ITGBL1: variants seen among roughly 807,000 people sequenced by gnomAD.
ITGBL1 encodes integrin beta-like protein 1.
A neutral mutation model predicts 68.5 loss-of-function variants in ITGBL1; 51 were observed. That is an observed-to-expected ratio of 0.74 (90% CI 0.59 to 0.94). The LOEUF (loss-of-function observed/expected upper bound fraction) is 0.94. ITGBL1 is among the 40% of genes least tolerant of loss of function. The pLI is 0.00. For synonymous variants in ITGBL1, 209 were observed against 227.3 expected (o/e 0.92, Z 0.72); for missense variants, 649 against 647.4 (o/e 1.00, Z -0.03).
intron 2 of ITGBL1, among the ~76,000 whole-genome samples, chr13:101,461,076 T>C (rs904718002): frequency 3.9e-5 from 6 of 152,226 alleles, no homozygotes; most frequent in African/African-American, 1.4e-4. Context: ...TATAGCATTG[T>C]GGTATTTAGA....
chr13:101,706,221 T>C (rs1187664292), intron 8 of ITGBL1, among the ~76,000 whole-genome samples: 1 of 152,218 alleles, frequency 6.6e-6, no homozygotes, highest in Non-Finnish European at 1.5e-5. Context: ...TATGCAATAA[T>C]AGAGAGACAC....
At chr13:101,554,049 C>A (rs534137544) in intron 2 of ITGBL1, among the ~76,000 whole-genome samples, 1 of 152,142 alleles carries the variant, frequency 6.6e-6, no homozygotes, top group Non-Finnish European at 1.5e-5. Flanking sequence ...TCTGGGATTA[C>A]AGGCATGAGC....
At chr13:101,477,541 A>C (rs532634117) in intron 2 of ITGBL1, among the ~76,000 whole-genome samples, 1 of 152,174 alleles carries the variant, frequency 6.6e-6, no homozygotes, top group South Asian at 2.1e-4. Context: ...ACCAAAGGGA[A>C]AGTTGGTGTT....
At chr13:101,528,989 A>G (rs1419343946) in intron 2 of ITGBL1, among the ~76,000 whole-genome samples, 3 of 152,058 alleles carry the variant, frequency 2.0e-5, no homozygotes, top group African/African-American at 7.2e-5. Flanking sequence ...ATGGAATAAC[A>G]TTATAAAACA....
At chr13:101,487,493 T>C (rs184662149) in intron 2 of ITGBL1, among the ~76,000 whole-genome samples, 4 of 152,346 alleles carry the variant, frequency 2.6e-5, no homozygotes, top group African/African-American at 9.6e-5. Context: ...GGCAATTATA[T>C]TTGACAAAAT....
Position 101,454,237 on chromosome 13 carries a change from A to G in ITGBL1, c.316+137A>G, listed in dbSNP as rs1255796976. Reference sequence around the variant, plus strand: ...CCAATTAAGTTACTGCGATTGTCACACTTTGGCTAGTTAATTCTGGCATCA... The same window carrying G: ...CCAATTAAGTTACTGCGATTGTCACGCTTTGGCTAGTTAATTCTGGCATCA... On this transcript the variant is annotated intron_variant, in intron 2 of 10. Coordinates refer to ENST00000376180, the MANE Select transcript of ITGBL1 (RefSeq NM_004791.3). 18 of 488,424 alleles carry G rather than the reference A, an allele frequency of 3.7e-5. No homozygotes were observed. In the Admixed American group the frequency reaches 7.6e-4, roughly 21 times the overall value. The allele number at this position is 488,424 out of a possible 1,614,324, so 30.3% of individuals were successfully genotyped here. A position where few individuals can be genotyped will look rare whatever the true frequency, so the allele number is the denominator to read the frequency against.
chr13:101,655,837 G>C (rs1302467520), intron 7 of ITGBL1, among the ~76,000 whole-genome samples: 2 of 152,156 alleles, frequency 1.3e-5, no homozygotes, highest in Non-Finnish European at 2.9e-5. Flanking sequence ...TAATATTGTT[G>C]ACGAAAAGAG....
At chr13:101,677,194 C>T (rs890165792) in intron 7 of ITGBL1, among the ~76,000 whole-genome samples, 4 of 151,860 alleles carry the variant, frequency 2.6e-5, no homozygotes, top group East Asian at 3.9e-4. Flanking sequence ...AACATATTGT[C>T]GGCAGAGGGG....
intron 1 of ITGBL1, 60 bp from the exon 2 acceptor site, chr13:101,453,823 C>A (rs2139606188): frequency 1.8e-6 from 2 of 1,134,656 alleles, no homozygotes; most frequent in Non-Finnish European, 2.2e-6. Flanking sequence ...AACGTGGGTT[C>A]GGAGCAGGGG....
chr13:101,468,121 C>G (rs1298661219), intron 2 of ITGBL1, among the ~76,000 whole-genome samples: 1 of 152,116 alleles, frequency 6.6e-6, no homozygotes, highest in East Asian at 1.9e-4. Context: ...GTGACTTGGC[C>G]ATTTAAGCAG....
intron 7 of ITGBL1, among the ~76,000 whole-genome samples, chr13:101,605,975 T>TAC (rs2030815187): frequency 2.0e-5 from 3 of 146,422 alleles, no homozygotes; most frequent in Admixed American, 1.4e-4. Flanking sequence ...TATATATGCA[T>TAC]ATATGTGTAT....
chr13:101,620,448 A>G (rs1228971077), intron 7 of ITGBL1, among the ~76,000 whole-genome samples: 1 of 152,132 alleles, frequency 6.6e-6, no homozygotes, highest in Admixed American at 6.5e-5. Flanking sequence ...GTTCATTCTC[A>G]ACTTCTTAAA....
rs1307621285 is a variant in ITGBL1, at chr13:101,715,916, C to A, written c.*262C>A. The A allele has an allele frequency of 2.7e-6, 1 of 374,298 alleles. No homozygotes were observed. Among genetic ancestry groups the A allele is most frequent in the Non-Finnish European group, 5.0e-6 (1 of 201,388 alleles). 23.2% of individuals were successfully genotyped at this position (374,298 alleles called of 1,614,324 possible). A position where few individuals can be genotyped will look rare whatever the true frequency, so the allele number is the denominator to read the frequency against. On this transcript the variant is annotated 3_prime_UTR_variant, in exon 11 of 11. Transcript: ENST00000376180. ...GAGAGCAATTTTTCCACCCAAAAGT[C>A]ATTTGGCAACATCTACAGACAATTT...
At chr13:101,456,528 T>C (rs1319154950) in intron 2 of ITGBL1, among the ~76,000 whole-genome samples, 1 of 152,230 alleles carries the variant, frequency 6.6e-6, no homozygotes, top group Non-Finnish European at 1.5e-5. Context: ...GTAGGTCCTT[T>C]CCAGAAATAG....
chr13:101,582,909 A>G (rs1186210611), intron 5 of ITGBL1, among the ~76,000 whole-genome samples: 1 of 152,140 alleles, frequency 6.6e-6, no homozygotes, highest in East Asian at 1.9e-4. Context: ...ATAGATTGCA[A>G]GCTTCTTGGG....
At chr13:101,555,394 T>C (rs1234929100) in intron 2 of ITGBL1, among the ~76,000 whole-genome samples, 1 of 151,506 alleles carries the variant, frequency 6.6e-6, no homozygotes, top group Admixed American at 6.6e-5. Flanking sequence ...ATCCCAAATA[T>C]TTTTTTTTGT....
At chr13:101,660,173 C>T (rs970148920) in intron 7 of ITGBL1, among the ~76,000 whole-genome samples, 4 of 152,106 alleles carry the variant, frequency 2.6e-5, no homozygotes, top group Non-Finnish European at 5.9e-5. Context: ...AAGTTGAGGC[C>T]GGCCACACCA....
chr13:101,673,047 C>T (rs947043059), intron 7 of ITGBL1, among the ~76,000 whole-genome samples: 4 of 152,158 alleles, frequency 2.6e-5, no homozygotes, highest in South Asian at 4.1e-4. Context: ...ACCAAACTGT[C>T]GAATGCTGTA....
At chr13:101,606,174 T>TTATATATATATATATATA (rs4000927) in intron 7 of ITGBL1, among the ~76,000 whole-genome samples, 3 of 138,044 alleles carry the variant, frequency 2.2e-5, no homozygotes, top group Admixed American at 7.4e-5. Context: ...ATTAGGATTT[T>TTATATATATATATATATA]TATATATATA....
Sources: gnomAD v4.1 joint callset for allele counts (sites outside exome capture counted in the v4.1 genomes callset) on GRCh38, gnomAD v4.1.1 for gene constraint, MANE v1.5 for transcripts, NCBI Gene and HGNC (gene_info 2026-07-23, HGNC 2026-07-21) for gene names.